The following KLHL1 variants were observed in gnomAD, a reference collection of about 807,000 sequenced individuals.
The protein encoded by KLHL1 is kelch like family member 1, also known as kelch-like protein 1.
Under a neutral mutation model 77.7 loss-of-function variants are expected in KLHL1, and 47 were observed. That is an observed-to-expected ratio of 0.60 (90% CI 0.48 to 0.77). KLHL1 has a LOEUF of 0.77. Ranked by LOEUF, KLHL1 falls within the 30% of genes least tolerant of loss-of-function variation. The probability of loss-of-function intolerance (pLI) is 0.00; values close to 1 mark genes in which losing one functional copy is unlikely to be tolerated. For synonymous variants in KLHL1, 360 were observed against 325.2 expected (o/e 1.11, Z -1.15); for missense variants, 925 against 910.8 (o/e 1.02, Z -0.20).
At chr13:70,005,524 C>A (rs775876668) in intron 1 of KLHL1, among the ~76,000 whole-genome samples, 1 of 151,110 alleles carries the variant, frequency 6.6e-6, no homozygotes, top group Non-Finnish European at 1.5e-5. Context: ...ATTTTATGAG[C>A]GGCTCAACAC....
At chr13:69,722,948 G>C (rs534571696) in intron 8 of KLHL1, among the ~76,000 whole-genome samples, 20 of 152,052 alleles carry the variant, frequency 1.3e-4, no homozygotes, top group South Asian at 4.2e-4. Flanking sequence ...ATGGATAATG[G>C]AAATGTGCTC....
chr13:69,802,024 AC>A (rs1438895579), intron 6 of KLHL1, among the ~76,000 whole-genome samples: 2 of 150,914 alleles, frequency 1.3e-5, no homozygotes, highest in East Asian at 3.9e-4. Context: ...TTGCCCCCCT[AC>A]CCCCTGACAG....
intron 2 of KLHL1, among the ~76,000 whole-genome samples, chr13:69,971,156 AT>A (rs1884370765): frequency 6.6e-6 from 1 of 152,064 alleles, no homozygotes; most frequent in Non-Finnish European, 1.5e-5. Context: ...TACATTTTAA[AT>A]TTTTTCCATG....
intron 4 of KLHL1, among the ~76,000 whole-genome samples, chr13:69,884,752 G>A (rs1307931042): frequency 6.6e-6 from 1 of 151,942 alleles, no homozygotes; most frequent in Non-Finnish European, 1.5e-5. Flanking sequence ...AAATTGGTTT[G>A]CTTTTATCAT....
chr13:69,982,277 T>C (rs554882890), intron 1 of KLHL1, among the ~76,000 whole-genome samples: 2 of 151,414 alleles, frequency 1.3e-5, no homozygotes, highest in Admixed American at 6.6e-5. Flanking sequence ...CTGCTAAAAA[T>C]ACTAAAAAAT....
intron 1 of KLHL1, among the ~76,000 whole-genome samples, chr13:70,010,125 G>A (rs980092556): frequency 1.3e-5 from 2 of 152,112 alleles, no homozygotes; most frequent in African/African-American, 4.8e-5. Flanking sequence ...TGCAATAGAA[G>A]ATAAAGTCAA....
At chr13:69,947,525 T>G (rs1883570628) in intron 3 of KLHL1, among the ~76,000 whole-genome samples, 2 of 151,602 alleles carry the variant, frequency 1.3e-5, no homozygotes, top group Admixed American at 1.3e-4. Flanking sequence ...TTTAGACAGA[T>G]TTTTTTTCAG....
intron 3 of KLHL1, among the ~76,000 whole-genome samples, chr13:69,956,606 G>A (rs1379915106): frequency 6.6e-6 from 1 of 151,446 alleles, no homozygotes. Flanking sequence ...CACAAATCTG[G>A]TAAAGACAAT....
intron 9 of KLHL1, among the ~76,000 whole-genome samples, chr13:69,711,782 G>A (rs905874800): frequency 1.3e-5 from 2 of 151,942 alleles, no homozygotes; most frequent in Non-Finnish European, 2.9e-5. Flanking sequence ...GTTGACAATT[G>A]GTATTACAAA....
intron 1 of KLHL1, among the ~76,000 whole-genome samples, chr13:70,001,699 TCTTTCTA>T (rs1345548795): frequency 7.7e-6 from 1 of 129,248 alleles, no homozygotes; most frequent in Admixed American, 8.1e-5. Context: ...CTATCTATCA[TCTTTCTA>T]CTATCTTCCT....
At chr13:70,085,662 G>A (rs971859353) in intron 1 of KLHL1, among the ~76,000 whole-genome samples, 3 of 151,890 alleles carry the variant, frequency 2.0e-5, no homozygotes, top group African/African-American at 7.3e-5. Flanking sequence ...TCAGGAGTTC[G>A]AGATCAGCCT....
chr13:70,105,941 A>C (rs1249413684), intron 1 of KLHL1, among the ~76,000 whole-genome samples: 2 of 150,730 alleles, frequency 1.3e-5, no homozygotes, highest in Admixed American at 6.6e-5. Context: ...ACATGTCTTA[A>C]TATAACATTA....
intron 1 of KLHL1, among the ~76,000 whole-genome samples, chr13:69,984,556 G>T (rs1884810801): frequency 6.6e-6 from 1 of 152,136 alleles, no homozygotes; most frequent in Non-Finnish European, 1.5e-5. Context: ...CAATCTTTGG[G>T]CTCTATGTAA....
chr13:69,794,683 G>T (rs184462756), intron 7 of KLHL1, among the ~76,000 whole-genome samples: 3 of 152,030 alleles, frequency 2.0e-5, no homozygotes, highest in Non-Finnish European at 4.4e-5. Context: ...AGATAAGGGA[G>T]AGTATGAAAA....
intron 1 of KLHL1, among the ~76,000 whole-genome samples, chr13:70,057,633 G>A (rs1436301583): frequency 6.7e-6 from 1 of 150,034 alleles, no homozygotes; most frequent in Non-Finnish European, 1.5e-5. Flanking sequence ...AAAATTAGCC[G>A]GGTGCGGTGG....
intron 1 of KLHL1, among the ~76,000 whole-genome samples, chr13:70,025,378 G>T (rs1566509735): frequency 6.6e-6 from 1 of 151,940 alleles, no homozygotes; most frequent in Non-Finnish European, 1.5e-5. Context: ...TAGATTCTCT[G>T]ATATTTTACT....
At chr13:70,089,522 C>A (rs749974631) in intron 1 of KLHL1, among the ~76,000 whole-genome samples, 1 of 151,910 alleles carries the variant, frequency 6.6e-6, no homozygotes, top group Non-Finnish European at 1.5e-5. Flanking sequence ...AAATAGCTTG[C>A]GTGATACAAC....
intron 8 of KLHL1, 37 bp from the exon 9 acceptor site, chr13:69,719,618 T>C (rs865978178): frequency 2.0e-6 from 3 of 1,515,836 alleles, no homozygotes; most frequent in South Asian, 1.1e-5. Context: ...TTTAATATCA[T>C]AGTCTGGATG....
intron 7 of KLHL1, among the ~76,000 whole-genome samples, chr13:69,750,431 G>T (rs1039193803): frequency 7.9e-5 from 12 of 151,532 alleles, no homozygotes; most frequent in African/African-American, 2.9e-4. Context: ...ATTAAGGAAA[G>T]AAATGGATAA....
Sources: allele counts gnomAD v4.1 joint callset (sites outside exome capture counted in the v4.1 genomes callset), GRCh38; gene constraint gnomAD v4.1.1; transcripts MANE v1.5; gene names NCBI Gene and HGNC (gene_info 2026-07-23, HGNC 2026-07-21).